The following PTPRD variants were observed in gnomAD, a reference collection of about 807,000 sequenced individuals.
PTPRD encodes the protein receptor-type tyrosine-protein phosphatase delta.
A neutral mutation model predicts 214.5 loss-of-function variants in PTPRD; 34 were observed. The ratio of observed to expected loss-of-function variants is 0.16; its 90% CI spans 0.12 to 0.21. The LOEUF (loss-of-function observed/expected upper bound fraction) is 0.21. Ranked by LOEUF, PTPRD falls within the 10% of genes least tolerant of loss-of-function variation. PTPRD has a pLI of 1.00. For synonymous variants in PTPRD, 1,128 were observed against 845.7 expected (o/e 1.33, Z -5.79); for missense variants, 2,545 against 2,398.7 (o/e 1.06, Z -1.27).
At chr9:9,779,209 A>T (rs2098824234) in intron 5 of PTPRD, among the ~76,000 whole-genome samples, 1 of 151,892 alleles carries the variant, frequency 6.6e-6, no homozygotes. Flanking sequence ...TTAACTTGAG[A>T]TGTATTAATG....
chr9:9,788,953 T>G (rs1417814592), intron 5 of PTPRD, among the ~76,000 whole-genome samples: 1 of 152,202 alleles, frequency 6.6e-6, no homozygotes, highest in Non-Finnish European at 1.5e-5. Context: ...AAGTTTCCGG[T>G]GCCTCTCTAA....
At chr9:8,672,858 G>C (rs1565170052) in intron 12 of PTPRD, among the ~76,000 whole-genome samples, 2 of 115,388 alleles carry the variant, frequency 1.7e-5, no homozygotes, top group South Asian at 6.4e-4. Flanking sequence ...GGGGGGGTGG[G>C]TGGGTATGTG....
chr9:8,873,064 A>G (rs551255393), intron 11 of PTPRD, among the ~76,000 whole-genome samples: 39 of 152,332 alleles, frequency 2.6e-4, no homozygotes, highest in African/African-American at 8.7e-4. Flanking sequence ...GTACAGTGTT[A>G]CTGCAGCGAT....
chr9:9,736,698 G>C (rs2154446532), intron 6 of PTPRD, among the ~76,000 whole-genome samples: 1 of 151,890 alleles, frequency 6.6e-6, no homozygotes, highest in South Asian at 2.1e-4. Context: ...ACAAATTTTA[G>C]TGCATTTTCA....
At chr9:10,173,178 G>C (rs1445573520) in intron 3 of PTPRD, among the ~76,000 whole-genome samples, 1 of 152,068 alleles carries the variant, frequency 6.6e-6, no homozygotes, top group Admixed American at 6.6e-5. Context: ...ACTTGTGAAG[G>C]GGGGATTTAT....
chr9:9,357,099 G>C (rs2054096733), intron 9 of PTPRD, among the ~76,000 whole-genome samples: 1 of 151,198 alleles, frequency 6.6e-6, no homozygotes, highest in African/African-American at 2.4e-5. Context: ...GCCTAATTCT[G>C]TTCTAAATAT....
At chr9:8,398,910 G>A (rs1378994144) in intron 36 of PTPRD, among the ~76,000 whole-genome samples, 1 of 151,948 alleles carries the variant, frequency 6.6e-6, no homozygotes, top group African/African-American at 2.4e-5. Flanking sequence ...ACTAAGACAT[G>A]GATCCCTATT....
chr9:9,101,730 A>T (rs1443711380), intron 10 of PTPRD, among the ~76,000 whole-genome samples: 5 of 152,230 alleles, frequency 3.3e-5, no homozygotes, highest in Non-Finnish European at 5.9e-5. Context: ...CCACTGAGTT[A>T]TTCCCAAATA....
intron 8 of PTPRD, among the ~76,000 whole-genome samples, chr9:9,470,011 G>T (rs189382092): frequency 6.6e-6 from 1 of 152,204 alleles, no homozygotes; most frequent in African/African-American, 2.4e-5. Flanking sequence ...TACTGGGGTG[G>T]ATGAACTCCC....
intron 11 of PTPRD, among the ~76,000 whole-genome samples, chr9:8,878,172 T>C (rs750616588): frequency 1.3e-5 from 2 of 152,206 alleles, no homozygotes; most frequent in African/African-American, 2.4e-5. Context: ...AGGAACTGTA[T>C]GAAACACTGT....
At chr9:9,373,182 G>A (rs1049672417) in intron 9 of PTPRD, among the ~76,000 whole-genome samples, 5 of 151,986 alleles carry the variant, frequency 3.3e-5, no homozygotes, top group African/African-American at 1.2e-4. Flanking sequence ...CTGAAGACCT[G>A]GACTTTCTCA....
At chr9:10,315,638 T>A (rs988543993) in intron 3 of PTPRD, among the ~76,000 whole-genome samples, 1 of 151,968 alleles carries the variant, frequency 6.6e-6, no homozygotes, top group African/African-American at 2.4e-5. Context: ...CATTAATTCA[T>A]CCTTAATATG....
intron 30 of PTPRD, among the ~76,000 whole-genome samples, chr9:8,482,513 G>C (rs1338779796): frequency 1.3e-5 from 2 of 151,954 alleles, no homozygotes; most frequent in Non-Finnish European, 2.9e-5. Flanking sequence ...ACCTGGCATA[G>C]CAAGTTTCAC....
chr9:10,113,117 G>A (rs1225975120), intron 3 of PTPRD, among the ~76,000 whole-genome samples: 1 of 152,162 alleles, frequency 6.6e-6, no homozygotes, highest in Non-Finnish European at 1.5e-5. Flanking sequence ...AGCTTTGTCA[G>A]CAGCGTTTTG....
At chr9:10,027,722 A>G (rs1389127117) in intron 4 of PTPRD, among the ~76,000 whole-genome samples, 2 of 152,226 alleles carry the variant, frequency 1.3e-5, no homozygotes, top group African/African-American at 4.8e-5. Context: ...ATAAAAATAT[A>G]TGCACATATA....
chr9:10,521,367 G>C (rs2052210147), intron 2 of PTPRD, among the ~76,000 whole-genome samples: 1 of 152,156 alleles, frequency 6.6e-6, no homozygotes, highest in African/African-American at 2.4e-5. Context: ...TTGGTGAGGA[G>C]TTGCTTCTTG....
intron 2 of PTPRD, among the ~76,000 whole-genome samples, chr9:10,586,785 C>CT (rs5896406): frequency 2.6e-4 from 38 of 143,900 alleles, no homozygotes; most frequent in African/African-American, 8.0e-4. Flanking sequence ...TTATAGACAA[C>CT]TTTTTTTTTT....
intron 3 of PTPRD, among the ~76,000 whole-genome samples, chr9:10,340,245 T>A (rs757389063): frequency 6.6e-6 from 1 of 151,884 alleles, no homozygotes; most frequent in Non-Finnish European, 1.5e-5. Flanking sequence ...TTTACAAATA[T>A]CATTATATGT....
intron 14 of PTPRD, among the ~76,000 whole-genome samples, chr9:8,548,377 T>G (rs1022151435): frequency 7.3e-5 from 11 of 151,354 alleles, no homozygotes; most frequent in African/African-American, 2.2e-4. Context: ...GGAATTTTGT[T>G]TTTTTTTTGA....
Sources: gnomAD v4.1 joint callset for allele counts (sites outside exome capture counted in the v4.1 genomes callset) on GRCh38, gnomAD v4.1.1 for gene constraint, MANE v1.5 for transcripts, NCBI Gene and HGNC (gene_info 2026-07-23, HGNC 2026-07-21) for gene names.